ROBO1: variants seen among roughly 807,000 people sequenced by gnomAD.
The protein encoded by ROBO1 is roundabout guidance receptor 1.
In ROBO1, 149 loss-of-function variants were observed where a neutral mutation model predicts 195.9. The observed-to-expected ratio is 0.76, with a 90% CI of 0.67 to 0.87. The LOEUF (loss-of-function observed/expected upper bound fraction) is 0.87, where lower values mean the gene tolerates loss of function less well. Ranked by LOEUF, ROBO1 falls within the 40% of genes least tolerant of loss-of-function variation. The pLI, the probability that ROBO1 is intolerant of heterozygous loss-of-function variation, is 0.00. For missense variants in ROBO1, 1,933 were observed against 2,068.3 expected (o/e 0.93, Z 1.27); for synonymous variants, 816 against 733.2 (o/e 1.11, Z -1.82).
intron 2 of ROBO1, among the ~76,000 whole-genome samples, chr3:79,167,976 C>A (rs1227599475): frequency 2.6e-5 from 4 of 152,128 alleles, no homozygotes; most frequent in African/African-American, 4.8e-5. Context: ...TAACTACAGA[C>A]TTTTAGCTAT....
At chr3:79,358,426 G>A (rs1010350174) in intron 2 of ROBO1, among the ~76,000 whole-genome samples, 18 of 152,152 alleles carry the variant, frequency 1.2e-4, no homozygotes, top group African/African-American at 3.8e-4. Flanking sequence ...TTAGGAAGAC[G>A]TTGATATCCT....
At chr3:79,418,292 A>T (rs1216478159) in intron 2 of ROBO1, among the ~76,000 whole-genome samples, 1 of 152,166 alleles carries the variant, frequency 6.6e-6, no homozygotes, top group East Asian at 1.9e-4. Flanking sequence ...ATATTAGTGT[A>T]ATCAATAGTA....
At chr3:79,329,700 A>C (rs142103441) in intron 2 of ROBO1, among the ~76,000 whole-genome samples, 9 of 152,294 alleles carry the variant, frequency 5.9e-5, no homozygotes, top group African/African-American at 1.9e-4. Flanking sequence ...TATCAAATCC[A>C]GTTGAATTTC....
chr3:78,702,074 CT>C (rs2081434038), intron 8 of ROBO1, among the ~76,000 whole-genome samples: 1 of 152,034 alleles, frequency 6.6e-6, no homozygotes, highest in Non-Finnish European at 1.5e-5. Context: ...AAAAGAATTG[CT>C]TTGTATTTTT....
At chr3:79,099,019 C>G (rs932529204) in intron 3 of ROBO1, among the ~76,000 whole-genome samples, 7 of 151,666 alleles carry the variant, frequency 4.6e-5, no homozygotes, top group African/African-American at 1.7e-4. Flanking sequence ...AAAAAAATTC[C>G]TTATAGTATG....
chr3:79,054,115 C>T (rs1451267641), intron 3 of ROBO1, among the ~76,000 whole-genome samples: 1 of 152,086 alleles, frequency 6.6e-6, no homozygotes, highest in Non-Finnish European at 1.5e-5. Context: ...CGTTTGCAGG[C>T]TCAGCTAAAT....
chr3:79,588,596 T>C (rs1943902083), intron 2 of ROBO1, among the ~76,000 whole-genome samples: 1 of 151,746 alleles, frequency 6.6e-6, no homozygotes, highest in Non-Finnish European at 1.5e-5. Flanking sequence ...TGAATTAATT[T>C]GTACCTATAT....
At chr3:79,546,307 ATTAG>A (rs758840225) in intron 2 of ROBO1, among the ~76,000 whole-genome samples, 13 of 152,192 alleles carry the variant, frequency 8.5e-5, no homozygotes, top group East Asian at 7.7e-4. Context: ...ACAGTAGACT[ATTAG>A]TTAGGTTTCT....
rs528452449 is a variant in ROBO1 at position 79,400,423 on chromosome 3, T to C, written c.88+189401A>G. ...ATGGATTCCCAAAATTACCCTCCCATTTCAAGTTCTTCTCTATGAAAGCAT... is the reference window on the plus strand; with the variant it reads ...ATGGATTCCCAAAATTACCCTCCCACTTCAAGTTCTTCTCTATGAAAGCAT... On this transcript the variant is annotated intron_variant, in intron 2 of 30. Transcript: ENST00000464233. Among the ~76,000 whole-genome samples the C allele has an allele frequency of 7.2e-5, 11 of 152,202 alleles. No individual in the cohort carries two copies. The South Asian group carries it at 1.0e-3, about 14-fold the overall frequency.
intron 2 of ROBO1, among the ~76,000 whole-genome samples, chr3:79,355,217 C>A (rs1239141810): frequency 6.6e-6 from 1 of 151,728 alleles, no homozygotes; most frequent in Non-Finnish European, 1.5e-5. Context: ...TGAATGAAAT[C>A]ATTGCTTTAT....
intron 2 of ROBO1, among the ~76,000 whole-genome samples, chr3:79,476,139 G>GA (rs1304536113): frequency 3.9e-5 from 6 of 151,968 alleles, no homozygotes. Context: ...ATAAACATAT[G>GA]AAAAAATGCT....
chr3:78,960,496 T>G (rs1252524990), intron 3 of ROBO1, among the ~76,000 whole-genome samples: 1 of 151,832 alleles, frequency 6.6e-6, no homozygotes, highest in Non-Finnish European at 1.5e-5. Context: ...GAATACATAA[T>G]GGGTCCGGGT....
chr3:79,197,448 T>C (rs1377214458), intron 2 of ROBO1, among the ~76,000 whole-genome samples: 2 of 152,066 alleles, frequency 1.3e-5, no homozygotes, highest in Admixed American at 1.3e-4. Flanking sequence ...TTAATGGACA[T>C]TTTGATTGGT....
chr3:79,168,340 T>C (rs773511467), intron 2 of ROBO1, among the ~76,000 whole-genome samples: 17 of 152,146 alleles, frequency 1.1e-4, no homozygotes, highest in Admixed American at 4.6e-4. Flanking sequence ...ATTTTTTTTT[T>C]CCAGAAATCC....
intron 1 of ROBO1, among the ~76,000 whole-genome samples, chr3:79,684,678 A>G (rs1947047977): frequency 1.3e-5 from 2 of 151,714 alleles, no homozygotes; most frequent in African/African-American, 4.8e-5. Context: ...GATGATGATG[A>G]TGGTGATGAT....
At chr3:79,227,496 T>G (rs2082246214) in intron 2 of ROBO1, among the ~76,000 whole-genome samples, 1 of 152,214 alleles carries the variant, frequency 6.6e-6, no homozygotes, top group Non-Finnish European at 1.5e-5. Flanking sequence ...GCCAAACTCT[T>G]GACACTCTCT....
chr3:79,615,655 C>G (rs1944796279), intron 1 of ROBO1, among the ~76,000 whole-genome samples: 1 of 152,106 alleles, frequency 6.6e-6, no homozygotes, highest in Admixed American at 6.6e-5. Flanking sequence ...AAGGTTCAAA[C>G]ATGAAGACAG....
chr3:78,909,424 T>C (rs1394671428), intron 4 of ROBO1, among the ~76,000 whole-genome samples: 1 of 151,836 alleles, frequency 6.6e-6, no homozygotes, highest in East Asian at 1.9e-4. Context: ...TCTTCTACTG[T>C]TAATAGCATG....
chr3:79,087,333 G>T (rs1486742643), intron 3 of ROBO1, among the ~76,000 whole-genome samples: 1 of 152,014 alleles, frequency 6.6e-6, no homozygotes, highest in Non-Finnish European at 1.5e-5. Flanking sequence ...ACTGTTTCTA[G>T]ATTATTTCCC....
Sources: allele counts gnomAD v4.1 joint callset (sites outside exome capture counted in the v4.1 genomes callset), GRCh38; gene constraint gnomAD v4.1.1; transcripts MANE v1.5; gene names NCBI Gene and HGNC (gene_info 2026-07-23, HGNC 2026-07-21).